Variants in CDH18 observed in about 807,000 individuals in gnomAD.
CDH18 encodes cadherin-18.
In CDH18, 31 loss-of-function variants were observed where a neutral mutation model predicts 67.9. The observed-to-expected ratio is 0.46, with a 90% CI of 0.34 to 0.62. CDH18 has a LOEUF of 0.62. Among genes scored for constraint, CDH18 ranks in the 20% least tolerant of loss-of-function variants. The pLI, the probability that CDH18 is intolerant of heterozygous loss-of-function variation, is 0.01. For synonymous variants in CDH18, 362 were observed against 347.2 expected (o/e 1.04, Z -0.48); for missense variants, 890 against 975.5 (o/e 0.91, Z 1.17).
At chr5:19,908,006 T>G (rs1579534886) in intron 2 of CDH18, among the ~76,000 whole-genome samples, 1 of 152,110 alleles carries the variant, frequency 6.6e-6, no homozygotes, top group African/African-American at 2.4e-5. Context: ...AACTAATGTA[T>G]AATTTCCCTT....
chr5:20,058,744 C>T (rs1182185078), intron 2 of CDH18, among the ~76,000 whole-genome samples: 3 of 152,156 alleles, frequency 2.0e-5, no homozygotes, highest in Non-Finnish European at 4.4e-5. Context: ...TTGTTTGTCT[C>T]ATTAGCTTTT....
chr5:20,256,350 C>G (rs567670840), intron 1 of CDH18, among the ~76,000 whole-genome samples: 2 of 152,150 alleles, frequency 1.3e-5, no homozygotes, highest in East Asian at 3.9e-4. Context: ...CCCAAATCAG[C>G]TTACTATGTC....
At chr5:20,398,391 CA>C (rs1176786701) in intron 1 of CDH18, among the ~76,000 whole-genome samples, 2 of 151,996 alleles carry the variant, frequency 1.3e-5, no homozygotes, top group Non-Finnish European at 2.9e-5. Context: ...ATATATTTTT[CA>C]GTGATTCAAC....
rs1403134533 is a variant in CDH18, at chr5:19,785,676, AAAAATATATATATATATATATATATAT to A, written c.229-38467_229-38441del. ...TCTCAAAAAAAAAAAAAAAAAAAAA[AAAAATATATATATATATATATATATAT>A]ATATATATATATATATATATATGCA... is the stretch of plus-strand genomic sequence containing the variant. On this transcript the variant is annotated intron_variant, in intron 3 of 12. Coordinates refer to ENST00000382275, the MANE Select transcript of CDH18 (RefSeq NM_004934.5). Among the ~76,000 whole-genome samples, 28 of 53,726 alleles carry A rather than the reference AAAAATATATATATATATATATATATAT, an allele frequency of 5.2e-4. No individual in the cohort carries two copies. The South Asian group carries it at 0.013, about 25-fold the overall frequency. The allele number at this position is 53,726 out of a possible 152,430, so 35.2% of individuals were successfully genotyped here. A position where few individuals can be genotyped will look rare whatever the true frequency, so the allele number is the denominator to read the frequency against.
chr5:20,361,096 T>G (rs1385965178), intron 1 of CDH18, among the ~76,000 whole-genome samples: 1 of 152,008 alleles, frequency 6.6e-6, no homozygotes, highest in East Asian at 1.9e-4. Flanking sequence ...AGAAATTACC[T>G]CAAATTTTAG....
chr5:20,380,546 T>G (rs1743829033), intron 1 of CDH18, among the ~76,000 whole-genome samples: 1 of 152,190 alleles, frequency 6.6e-6, no homozygotes, highest in Non-Finnish European at 1.5e-5. Flanking sequence ...GCCTCATTTT[T>G]ACCTAAAGCA....
intron 3 of CDH18, among the ~76,000 whole-genome samples, chr5:19,748,124 A>AAAAAAAAAAAAAAAAAAAAAAAAAAAAT (rs1770340930): frequency 6.9e-6 from 1 of 144,048 alleles, no homozygotes; most frequent in Non-Finnish European, 1.5e-5. Context: ...AAAAAAAAAA[A>AAAAAAAAAAAAAAAAAAAAAAAAAAAAT]AAAAAAAAAG....
At chr5:20,114,794 C>A (rs1434360691) in intron 2 of CDH18, among the ~76,000 whole-genome samples, 4 of 151,968 alleles carry the variant, frequency 2.6e-5, no homozygotes, top group Non-Finnish European at 5.9e-5. Flanking sequence ...CATTTCCTGC[C>A]CTCCCTCTCT....
intron 1 of CDH18, among the ~76,000 whole-genome samples, chr5:20,303,367 T>C (rs1387992982): frequency 6.6e-6 from 1 of 152,130 alleles, no homozygotes; most frequent in Non-Finnish European, 1.5e-5. Context: ...CACTACCTCA[T>C]GAATAGACAC....
At chr5:20,208,385 T>C (rs1187395703) in intron 2 of CDH18, among the ~76,000 whole-genome samples, 2 of 152,002 alleles carry the variant, frequency 1.3e-5, no homozygotes, top group Non-Finnish European at 2.9e-5. Flanking sequence ...ATCACAAACA[T>C]GTGGGGATTA....
intron 2 of CDH18, among the ~76,000 whole-genome samples, chr5:20,202,534 T>C (rs1341263443): frequency 6.6e-6 from 1 of 152,146 alleles, no homozygotes; most frequent in African/African-American, 2.4e-5. Flanking sequence ...AAAATTAGTC[T>C]AAATCTCCTT....
At chr5:20,560,836 C>T (rs1419604563) in intron 1 of CDH18, among the ~76,000 whole-genome samples, 1 of 152,006 alleles carries the variant, frequency 6.6e-6, no homozygotes, top group Non-Finnish European at 1.5e-5. Flanking sequence ...AGACGAGCCA[C>T]AGACTGCAAG....
rs1435120285 is a variant in CDH18, at chr5:20,098,372, T to C, written c.-517-106358A>G. ...ATGATTTTATATAGACACTGTGTAA[T>C]AATTACCACAATCAAAATAACAAAT... On this transcript the variant is annotated intron_variant, in intron 2 of 14. Coordinates refer to the CDH18 transcript ENST00000507958. 2.0e-5 allele frequency among the ~76,000 whole-genome samples: 3 copies of C among 152,082 alleles called. No individual in the cohort carries two copies. The East Asian group carries it at 5.8e-4, about 29-fold the overall frequency.
intron 1 of CDH18, among the ~76,000 whole-genome samples, chr5:20,426,786 C>T (rs1314810627): frequency 6.6e-6 from 1 of 151,062 alleles, no homozygotes; most frequent in African/African-American, 2.5e-5. Context: ...AACAATATAA[C>T]TTTTAATGAT....
intron 1 of CDH18, among the ~76,000 whole-genome samples, chr5:20,523,571 C>T (rs917365818): frequency 1.3e-5 from 2 of 152,074 alleles, no homozygotes; most frequent in Admixed American, 6.6e-5. Context: ...GATGGAGTCT[C>T]GCTTCTTCAC....
chr5:20,142,126 TGG>T (rs1205780938), intron 2 of CDH18, among the ~76,000 whole-genome samples: 1 of 152,086 alleles, frequency 6.6e-6, no homozygotes, highest in African/African-American at 2.4e-5. Context: ...AAATGATTTG[TGG>T]TCTCATCAAA....
At chr5:20,294,938 A>G (rs1364111979) in intron 1 of CDH18, among the ~76,000 whole-genome samples, 1 of 152,176 alleles carries the variant, frequency 6.6e-6, no homozygotes, top group Non-Finnish European at 1.5e-5. Flanking sequence ...TTCAGGTTAG[A>G]TGTGGTACAT....
chr5:19,973,302 T>G (rs1424508560), intron 2 of CDH18, among the ~76,000 whole-genome samples: 1 of 152,146 alleles, frequency 6.6e-6, no homozygotes, highest in Non-Finnish European at 1.5e-5. Context: ...AGAATAGGAC[T>G]GTAAAAGTGC....
intron 3 of CDH18, among the ~76,000 whole-genome samples, chr5:19,790,718 C>T (rs968292090): frequency 4.6e-5 from 7 of 151,974 alleles, no homozygotes; most frequent in African/African-American, 1.7e-4. Flanking sequence ...TATAAAGGAT[C>T]AATCTGGATG....
Sources: gnomAD v4.1 joint callset for allele counts (sites outside exome capture counted in the v4.1 genomes callset) on GRCh38, gnomAD v4.1.1 for gene constraint, MANE v1.5 for transcripts, NCBI Gene and HGNC (gene_info 2026-07-23, HGNC 2026-07-21) for gene names.